NEGR1: variants seen among roughly 807,000 people sequenced by gnomAD.
The protein encoded by NEGR1 is neuronal growth regulator 1.
In NEGR1, 10 loss-of-function variants were observed where a neutral mutation model predicts 40.9. The observed-to-expected ratio is 0.24, with a 90% CI of 0.15 to 0.42. The LOEUF (loss-of-function observed/expected upper bound fraction) is 0.42, where lower values mean the gene tolerates loss of function less well. NEGR1 is among the 10% of genes least tolerant of loss of function. The pLI is 1.00. For missense variants in NEGR1, 352 were observed against 438.9 expected (o/e 0.80, Z 1.77); for synonymous variants, 185 against 166.8 (o/e 1.11, Z -0.84).
At chr1:71,579,178 C>T (rs1419998752) in intron 6 of NEGR1, among the ~76,000 whole-genome samples, 2 of 152,180 alleles carry the variant, frequency 1.3e-5, no homozygotes, top group Non-Finnish European at 2.9e-5. Context: ...CCTTTCTTTT[C>T]ACCCAGCTCT....
At chr1:71,595,167 G>A (rs927327027) in intron 5 of NEGR1, among the ~76,000 whole-genome samples, 1 of 152,158 alleles carries the variant, frequency 6.6e-6, no homozygotes, top group Non-Finnish European at 1.5e-5. Context: ...GTATGTGTGG[G>A]CCCATTTTGG....
At chr1:71,818,196 A>G (rs1166804722) in intron 2 of NEGR1, among the ~76,000 whole-genome samples, 1 of 152,068 alleles carries the variant, frequency 6.6e-6, no homozygotes, top group African/African-American at 2.4e-5. Flanking sequence ...ATATACCCAC[A>G]GGAATATAAA....
In NEGR1 at chr1:71,736,341, A is replaced by AT. The variant is rs1052943742; in HGVS notation, c.536-38203dup. Among the ~76,000 whole-genome samples the AT allele has an allele frequency of 1.5e-4, 23 of 152,094 alleles. No individual in the cohort carries two copies. In the Middle Eastern group the frequency reaches 0.01, roughly 67 times the overall value. On this transcript the variant is annotated intron_variant, in intron 3 of 6. Transcript: ENST00000357731. ...GATCTTGTATACTTTCACAAGAACT[A>AT]TTTTTTTCCTTTTGTTTGCATATAT...
chr1:72,053,971 C>T (rs1161481031), intron 1 of NEGR1, among the ~76,000 whole-genome samples: 2 of 150,596 alleles, frequency 1.3e-5, no homozygotes, highest in Non-Finnish European at 3.0e-5. Flanking sequence ...TCTCTTGTGA[C>T]AGAAAGCATT....
chr1:71,649,387 G>A (rs1349984159), intron 4 of NEGR1, among the ~76,000 whole-genome samples: 2 of 152,012 alleles, frequency 1.3e-5, no homozygotes, highest in East Asian at 3.9e-4. Context: ...GTACATAAGA[G>A]CAAAGTACAT....
In NEGR1 at chr1:72,050,465, C is replaced by T. The variant is rs780451627; in HGVS notation, c.177-115154G>A. On this transcript the variant is annotated intron_variant, in intron 1 of 6. Coordinates refer to ENST00000357731, the MANE Select transcript of NEGR1 (RefSeq NM_173808.3). The stretch of plus-strand genomic sequence containing the variant: ...AAAGTACATTGCTGGGCCTATTAGC[C>T]GACTTATTAAAATACCTTAAAGAAT... 5.9e-5 allele frequency among the ~76,000 whole-genome samples: 9 copies of T among 151,404 alleles called. 1 individual carries two copies. Among genetic ancestry groups the T allele is most frequent in the Non-Finnish European group, 1.0e-4 (7 of 67,638 alleles).
intron 6 of NEGR1, among the ~76,000 whole-genome samples, chr1:71,509,202 C>T (rs917245841): frequency 3.9e-5 from 6 of 152,120 alleles, no homozygotes; most frequent in African/African-American, 1.4e-4. Context: ...GTTCCGTTTC[C>T]CCTAGGATGA....
chr1:72,203,575 G>T (rs1320423130), intron 1 of NEGR1, among the ~76,000 whole-genome samples: 4 of 152,100 alleles, frequency 2.6e-5, no homozygotes, highest in African/African-American at 2.4e-5. Context: ...AAAGGTTTTA[G>T]AATATTTACA....
At chr1:72,279,492 G>A (rs1468767408) in intron 1 of NEGR1, among the ~76,000 whole-genome samples, 1 of 152,016 alleles carries the variant, frequency 6.6e-6, no homozygotes, top group Non-Finnish European at 1.5e-5. Context: ...GAATATATTG[G>A]GCTAAGCTTG....
intron 1 of NEGR1, among the ~76,000 whole-genome samples, chr1:72,078,178 G>A (rs909627610): frequency 2.0e-5 from 3 of 152,070 alleles, no homozygotes; most frequent in Admixed American, 6.6e-5. Context: ...AACCTAAAGA[G>A]TTATCTAAGT....
At chr1:71,887,992 GACACACACACACACACAC>G (rs57794150) in intron 2 of NEGR1, among the ~76,000 whole-genome samples, 8 of 138,182 alleles carry the variant, frequency 5.8e-5, no homozygotes, top group Admixed American at 2.9e-4. Context: ...CTTTTGAAAG[GACACACACACACACACAC>G]ACACACACAC....
chr1:72,228,757 T>C (rs1654269154), intron 1 of NEGR1, among the ~76,000 whole-genome samples: 1 of 152,122 alleles, frequency 6.6e-6, no homozygotes, highest in Non-Finnish European at 1.5e-5. Context: ...CATTCAGCTG[T>C]ACTTCTTTGA....
chr1:71,855,970 C>T (rs370629963), intron 2 of NEGR1, among the ~76,000 whole-genome samples: 55 of 152,026 alleles, frequency 3.6e-4, no homozygotes, highest in African/African-American at 1.2e-3. Flanking sequence ...CCTCTGCCTG[C>T]CCTCAAAAAT....
intron 1 of NEGR1, among the ~76,000 whole-genome samples, chr1:72,110,638 T>C (rs1649324713): frequency 6.6e-6 from 1 of 151,826 alleles, no homozygotes; most frequent in African/African-American, 2.4e-5. Context: ...AATTAACCCT[T>C]AATTACTTCA....
chr1:72,140,443 G>T (rs1650630097), intron 1 of NEGR1, among the ~76,000 whole-genome samples: 1 of 151,816 alleles, frequency 6.6e-6, no homozygotes, highest in African/African-American at 2.4e-5. Flanking sequence ...ACAACAAGAG[G>T]GCAAGAAAGG....
chr1:71,583,615 T>G (rs1291679061), intron 6 of NEGR1, among the ~76,000 whole-genome samples: 1 of 152,222 alleles, frequency 6.6e-6, no homozygotes. Context: ...ACAGTTTGTA[T>G]GCATATCATA....
At chr1:71,627,640 C>T (rs1222617924) in intron 4 of NEGR1, among the ~76,000 whole-genome samples, 1 of 151,990 alleles carries the variant, frequency 6.6e-6, no homozygotes, top group Admixed American at 6.6e-5. Flanking sequence ...TCAAGCCTGT[C>T]ATCAATGGGG....
chr1:71,613,955 T>A (rs1341134602), intron 4 of NEGR1, among the ~76,000 whole-genome samples: 2 of 152,090 alleles, frequency 1.3e-5, no homozygotes, highest in Non-Finnish European at 2.9e-5. Context: ...TTTCAACATA[T>A]GAAAACTATA....
At chr1:72,165,262 G>C (rs191591206) in intron 1 of NEGR1, among the ~76,000 whole-genome samples, 1 of 151,956 alleles carries the variant, frequency 6.6e-6, no homozygotes. Flanking sequence ...ATAGCTTAGC[G>C]GTGAACCATA....
Sources: gnomAD v4.1 joint callset for allele counts (sites outside exome capture counted in the v4.1 genomes callset) on GRCh38, gnomAD v4.1.1 for gene constraint, MANE v1.5 for transcripts, NCBI Gene and HGNC (gene_info 2026-07-23, HGNC 2026-07-21) for gene names.